The following CACNA2D3 variants were observed in gnomAD, a reference collection of about 807,000 sequenced individuals.
CACNA2D3 encodes calcium voltage-gated channel auxiliary subunit alpha2delta 3, also known as voltage-dependent calcium channel subunit alpha-2/delta-3.
CACNA2D3 carries 60 observed loss-of-function variants against 160.6 expected under a neutral mutation model. The observed-to-expected ratio is 0.37, with a 90% confidence interval of 0.30 to 0.46. The LOEUF (loss-of-function observed/expected upper bound fraction) is 0.46. Ranked by LOEUF, CACNA2D3 falls within the 20% of genes least tolerant of loss-of-function variation. The pLI is 1.00. For missense variants in CACNA2D3, 1,205 were observed against 1,365.0 expected (o/e 0.88, Z 1.85); for synonymous variants, 558 against 492.9 (o/e 1.13, Z -1.75).
chr3:54,279,096 T>G (rs927354909), intron 2 of CACNA2D3, among the ~76,000 whole-genome samples: 1 of 152,220 alleles, frequency 6.6e-6, no homozygotes, highest in African/African-American at 2.4e-5. Context: ...ATAAATGGAC[T>G]TGTTTCCTCA....
At chr3:54,458,603 CTT>C (rs1700441481) in intron 4 of CACNA2D3, among the ~76,000 whole-genome samples, 1 of 151,956 alleles carries the variant, frequency 6.6e-6, no homozygotes, top group South Asian at 2.1e-4. Context: ...AGCATTCTCT[CTT>C]TGTCTCAGAC....
intron 35 of CACNA2D3, among the ~76,000 whole-genome samples, chr3:55,053,316 T>A (rs142368027): frequency 6.3e-4 from 96 of 152,166 alleles, no homozygotes; most frequent in African/African-American, 2.3e-3. Context: ...ATTCACCATG[T>A]TGTGTAGTTA....
At chr3:54,419,839 C>T (rs970390732) in intron 4 of CACNA2D3, among the ~76,000 whole-genome samples, 1 of 152,074 alleles carries the variant, frequency 6.6e-6, no homozygotes, top group African/African-American at 2.4e-5. Context: ...GATCTTGGTT[C>T]ACTGCAACCT....
intron 34 of CACNA2D3, among the ~76,000 whole-genome samples, chr3:55,015,157 A>G (rs1213012989): frequency 6.6e-6 from 1 of 152,204 alleles, no homozygotes; most frequent in Non-Finnish European, 1.5e-5. Context: ...GCTTATTCAA[A>G]TCACGTGTGC....
intron 2 of CACNA2D3, among the ~76,000 whole-genome samples, chr3:54,233,795 A>C (rs1434736213): frequency 6.6e-6 from 1 of 152,226 alleles, no homozygotes; most frequent in Non-Finnish European, 1.5e-5. Context: ...CTATTTGGTC[A>C]TCATACAGTT....
At chr3:54,851,300 C>T (rs926251330) in intron 17 of CACNA2D3, among the ~76,000 whole-genome samples, 1 of 152,170 alleles carries the variant, frequency 6.6e-6, no homozygotes, top group Non-Finnish European at 1.5e-5. Context: ...GTGGAAGATA[C>T]ATCTAGCAGC....
In CACNA2D3 at chr3:54,871,224, C is replaced by CACACACACAT. The variant is rs1491220764; in HGVS notation, c.1627-315_1627-314insACACACACAT. On this transcript the variant is annotated intron_variant, in intron 17 of 37. Coordinates refer to ENST00000474759, the MANE Select transcript of CACNA2D3 (RefSeq NM_018398.3). ...ACACACACACACACACACACACACACCCCCCATTCAAGGAGGGGACAGATT... is the reference window on the plus strand; with the variant it reads ...ACACACACACACACACACACACACACACACACACATCCCCCATTCAAGGAGGGGACAGATT... Among the ~76,000 whole-genome samples, 662 of 109,202 alleles carry CACACACACAT rather than the reference C, an allele frequency of 6.1e-3. 8 individuals are homozygous for CACACACACAT. The highest frequency in any genetic ancestry group is 0.025 in the African/African-American group (644 of 25,886). 71.6% of individuals were successfully genotyped at this position (109,202 alleles called of 152,430 possible).
intron 14 of CACNA2D3, among the ~76,000 whole-genome samples, chr3:54,828,628 A>G (rs1703797138): frequency 6.6e-6 from 1 of 152,194 alleles, no homozygotes; most frequent in African/African-American, 2.4e-5. Flanking sequence ...AGATGTTCCA[A>G]GATTGTCCAG....
chr3:54,828,370 A>C (rs1265012224), intron 14 of CACNA2D3, among the ~76,000 whole-genome samples: 2 of 152,160 alleles, frequency 1.3e-5, no homozygotes, highest in Non-Finnish European at 2.9e-5. Context: ...TACCCAAATA[A>C]ACCAACAAAG....
chr3:54,988,068 G>A (rs1325628285), intron 31 of CACNA2D3, among the ~76,000 whole-genome samples: 1 of 152,150 alleles, frequency 6.6e-6, no homozygotes, highest in Non-Finnish European at 1.5e-5. Flanking sequence ...AAGTAGGAAA[G>A]GTTTTCACCT....
rs1352638920 is a variant in CACNA2D3 at position 55,033,861 on chromosome 3, T to TTTATA, written c.2987+15545_2987+15546insTATAT. Among the ~76,000 whole-genome samples the TTTATA allele has an allele frequency of 7.0e-5, 8 of 114,300 alleles. 2 individuals are homozygous for TTTATA. The East Asian group carries it at 9.5e-4, about 14-fold the overall frequency. The allele number at this position is 114,300 out of a possible 152,430, so 75.0% of individuals were successfully genotyped here. ...AATATATATTACATATTAAATATATTTAATATATAATATATATTACATATT... is the reference window on the plus strand; with the variant it reads ...AATATATATTACATATTAAATATATTTTATATAATATATAATATATATTACATATT... On this transcript the variant is annotated intron_variant, in intron 35 of 37. Transcript: ENST00000474759.
At chr3:54,624,570 C>G (rs949492475) in intron 9 of CACNA2D3, among the ~76,000 whole-genome samples, 2 of 152,044 alleles carry the variant, frequency 1.3e-5, no homozygotes, top group African/African-American at 2.4e-5. Flanking sequence ...TCTGGTGAGC[C>G]GAGATCGCAC....
chr3:54,183,901 A>G (rs1700831111), intron 2 of CACNA2D3, among the ~76,000 whole-genome samples: 1 of 149,450 alleles, frequency 6.7e-6, no homozygotes, highest in East Asian at 2.0e-4. Context: ...AGAAAAAAAA[A>G]AAAAAAAAAA....
chr3:54,254,689 GTTA>G (rs1288214994), intron 2 of CACNA2D3, among the ~76,000 whole-genome samples: 1 of 142,462 alleles, frequency 7.0e-6, no homozygotes, highest in Non-Finnish European at 1.6e-5. Context: ...AGAGTTAGTT[GTTA>G]TGAGTATTAC....
intron 3 of CACNA2D3, among the ~76,000 whole-genome samples, chr3:54,385,540 ATCTCTGTCTGTGGGCAGCACTG>A (rs960252526): frequency 2.0e-5 from 3 of 151,944 alleles, no homozygotes; most frequent in African/African-American, 7.3e-5. Flanking sequence ...CCCTTCCCAA[ATCTCTGTCTGTGGGCAGCACTG>A]TCTCTGGCTG....
chr3:55,043,736 T>C (rs978909472), intron 35 of CACNA2D3, among the ~76,000 whole-genome samples: 1 of 152,216 alleles, frequency 6.6e-6, no homozygotes, highest in Non-Finnish European at 1.5e-5. Context: ...AAAGTTTTTC[T>C]TCTATGCTTT....
intron 2 of CACNA2D3, among the ~76,000 whole-genome samples, chr3:54,157,251 C>T (rs185982526): frequency 2.2e-4 from 33 of 152,350 alleles, no homozygotes; most frequent in Admixed American, 5.9e-4. Context: ...AAGGCCCCAA[C>T]TTCATGACTC....
chr3:54,309,360 A>C (rs1703678979), intron 2 of CACNA2D3, among the ~76,000 whole-genome samples: 1 of 152,270 alleles, frequency 6.6e-6, no homozygotes, highest in African/African-American at 2.4e-5. Context: ...TTTATACCAT[A>C]GAGCTACAAT....
intron 4 of CACNA2D3, among the ~76,000 whole-genome samples, chr3:54,436,255 A>G (rs1032639206): frequency 6.6e-6 from 1 of 152,244 alleles, no homozygotes; most frequent in African/African-American, 2.4e-5. Flanking sequence ...TTAGAATGGC[A>G]TTTATTAAAA....
Sources: gnomAD v4.1 joint callset for allele counts (sites outside exome capture counted in the v4.1 genomes callset) on GRCh38, gnomAD v4.1.1 for gene constraint, MANE v1.5 for transcripts, NCBI Gene and HGNC (gene_info 2026-07-23, HGNC 2026-07-21) for gene names.